The following MANBA variants were observed in gnomAD, a reference collection of about 807,000 sequenced individuals.
MANBA encodes beta-mannosidase.
A neutral mutation model predicts 111.1 loss-of-function variants in MANBA; 83 were observed. That is an observed-to-expected ratio of 0.75 (90% CI 0.63 to 0.90). The LOEUF is 0.90. Among genes scored for constraint, MANBA ranks in the 40% least tolerant of loss-of-function variants. The pLI, the probability that MANBA is intolerant of heterozygous loss-of-function variation, is 0.00. For synonymous variants in MANBA, 370 were observed against 378.7 expected (o/e 0.98, Z 0.27); for missense variants, 1,036 against 1,069.0 (o/e 0.97, Z 0.43).
At chr4:102,708,767 A>T (rs1172854768) in intron 5 of MANBA, among the ~76,000 whole-genome samples, 1 of 151,976 alleles carries the variant, frequency 6.6e-6, no homozygotes. Context: ...ATCAAGGAGA[A>T]GACCCAAATA....
intron 7 of MANBA, among the ~76,000 whole-genome samples, chr4:102,683,722 A>C (rs944545027): frequency 2.0e-5 from 3 of 152,190 alleles, no homozygotes; most frequent in African/African-American, 7.2e-5. Flanking sequence ...TGGTTTCCCA[A>C]ACTGATAAAG....
intron 7 of MANBA, chr4:102,681,610 C>T (rs1445918974): frequency 6.6e-6 from 1 of 152,154 alleles, no homozygotes; most frequent in African/African-American, 2.4e-5. Context: ...ATAAAAATAA[C>T]TCCAAGAGAT....
chr4:102,728,421 T>C (rs1578944031), intron 1 of MANBA: 1 of 480,608 alleles, frequency 2.1e-6, no homozygotes, highest in East Asian at 5.4e-5. Flanking sequence ...TCTAATTTCA[T>C]GAGTTTTTGG....
At chr4:102,687,819 CA>C (rs1196320097) in intron 7 of MANBA, among the ~76,000 whole-genome samples, 1 of 152,150 alleles carries the variant, frequency 6.6e-6, no homozygotes, top group Non-Finnish European at 1.5e-5. Flanking sequence ...CTATCACCAG[CA>C]CCTAGCAAAA....
In MANBA at chr4:102,639,811, C is replaced by A; in HGVS notation, c.1916G>T (p.Arg639Leu). The A allele has an allele frequency of 2.5e-6, 4 of 1,614,076 alleles. No individual in the cohort carries two copies. Among genetic ancestry groups the A allele is most frequent in the Non-Finnish European group, 3.4e-6 (4 of 1,179,988 alleles). The change falls in exon 14 of 17, where the codon CGT becomes CTT. Residue 639 changes from arginine to leucine, a missense_variant. Arg to Leu is a moderately radical substitution (Grantham distance 102). Transcript: ENST00000647097. ...CVKTETEFYR[R>L]SRSEIVDQQG... The stretch of plus-strand genomic sequence containing the variant: ...CTGATCCACTATCTCGCTGCGACTA[C>A]GGCGGTAGAATTCAGTTTCTGTTTT...
intron 4 of MANBA, among the ~76,000 whole-genome samples, chr4:102,714,780 C>T (rs1394337199): frequency 2.0e-5 from 3 of 152,190 alleles, no homozygotes; most frequent in Admixed American, 6.5e-5. Flanking sequence ...CTCCTGAAGC[C>T]GATCTCCTCT....
At chr4:102,672,938 C>T (rs1731557072) in intron 8 of MANBA, among the ~76,000 whole-genome samples, 1 of 152,044 alleles carries the variant, frequency 6.6e-6, no homozygotes, top group African/African-American at 2.4e-5. Flanking sequence ...ACGTAGTTAT[C>T]CACTCTTTTT....
At chr4:102,757,241 A>C (rs1477138169) in intron 1 of MANBA, among the ~76,000 whole-genome samples, 5 of 152,134 alleles carry the variant, frequency 3.3e-5, no homozygotes, top group South Asian at 4.1e-4. Context: ...AGGCAGGAGA[A>C]TCTCTTGAAC....
At chr4:102,705,474 A>C (rs1733255237) in intron 5 of MANBA, among the ~76,000 whole-genome samples, 1 of 152,074 alleles carries the variant, frequency 6.6e-6, no homozygotes, top group Non-Finnish European at 1.5e-5. Flanking sequence ...TGCTGCCACC[A>C]ATGCTGAAGC....
chr4:102,724,542 CAAA>C (rs11454438), intron 2 of MANBA, among the ~76,000 whole-genome samples: 7 of 122,220 alleles, frequency 5.7e-5, no homozygotes, highest in East Asian at 2.3e-4. Context: ...GATTCCGTCT[CAAA>C]AAAAAAAAAA....
rs143324246 is a variant in MANBA, at chr4:102,642,228, C to A, written c.1870-2371G>T. Among the ~76,000 whole-genome samples, 410 of 152,262 alleles carry A rather than the reference C, an allele frequency of 2.7e-3. 4 individuals carry two copies. Among genetic ancestry groups the A allele is most frequent in the African/African-American group, 9.5e-3 (393 of 41,558 alleles). ...TGCATCCTTTCCTAAAAAGGGCAAT[C>A]TTTACACATAAGAGGGATAAATGCT... On this transcript the variant is annotated intron_variant, in intron 13 of 16. Coordinates refer to ENST00000647097, the MANE Select transcript of MANBA (RefSeq NM_005908.4).
chr4:102,653,366 T>G (rs1730427940), intron 12 of MANBA, among the ~76,000 whole-genome samples: 1 of 152,194 alleles, frequency 6.6e-6, no homozygotes, highest in Non-Finnish European at 1.5e-5. Context: ...GAATGGCAGC[T>G]GTCATATTCA....
At chr4:102,650,872 G>C (rs572932712) in intron 12 of MANBA, 171 bp from the exon 13 acceptor site, 205 of 611,574 alleles carry the variant, frequency 3.4e-4, no homozygotes, top group Non-Finnish European at 5.0e-4. Flanking sequence ...GCCAGTGAAG[G>C]ACTAGCCTTG....
At chr4:102,677,559 CAG>C (rs1731781533) in intron 7 of MANBA, among the ~76,000 whole-genome samples, 1 of 152,034 alleles carries the variant, frequency 6.6e-6, no homozygotes, top group African/African-American at 2.4e-5. Context: ...TTTAATGTAA[CAG>C]AGAACAAAAA....
At chr4:102,713,896 CA>C (rs987115592) in intron 5 of MANBA, among the ~76,000 whole-genome samples, 3,710 of 68,426 alleles carry the variant, frequency 0.054, 103 homozygotes, top group African/African-American at 0.13. Context: ...AACTCCATCT[CA>C]AAAAAAAAAA....
At chr4:102,698,855 C>G (rs942976675) in intron 5 of MANBA, among the ~76,000 whole-genome samples, 1 of 151,308 alleles carries the variant, frequency 6.6e-6, no homozygotes, top group African/African-American at 2.4e-5. Context: ...TTTTTGGTTC[C>G]ATATGAACTT....
In MANBA at chr4:102,631,948, G is replaced by T; in HGVS notation, c.*109C>A. The T allele has an allele frequency of 1.1e-6, 1 of 942,310 alleles. No individual in the cohort carries two copies. 58.4% of individuals were successfully genotyped at this position (942,310 alleles called of 1,614,324 possible). On this transcript the variant is annotated 3_prime_UTR_variant, in exon 17 of 17. Transcript: ENST00000647097. ...CAATCGCTCAAATGCGTGGCAGCAC[G>T]CAGACATGTCTCTCGGCTTCTCTCC... is the stretch of plus-strand genomic sequence containing the variant.
At position 102,722,984 on chromosome 4, in the gene MANBA, A is replaced by T; in HGVS notation, c.436T>A (p.Ser146Thr). The T allele has an allele frequency of 1.2e-6, 2 of 1,614,158 alleles. No homozygotes were observed. The highest frequency in any genetic ancestry group is 1.7e-6 in the Non-Finnish European group (2 of 1,179,976). Residue 146 changes from serine to threonine, a missense_variant, in exon 4 of 17, where the codon TCA (serine) becomes ACA (threonine). Transcript: ENST00000647097. ...DVNSIELRFQSAVLYAAQQSK... is the reference protein window; with the variant it reads ...DVNSIELRFQTAVLYAAQQSK... The stretch of plus-strand genomic sequence containing the variant: ...TGCTGTGCTGCATACAACACCGCTG[A>T]CTGGAAACGCAGCTCAATGGAGTTC...
Position 102,668,894 on chromosome 4 carries a change from A to G in MANBA, c.1317+69T>C, listed in dbSNP as rs1731351770. 1.1e-5 allele frequency: 14 copies of G among 1,313,680 alleles called. 1 individual carries two copies. The South Asian group carries it at 1.8e-4, about 16-fold the overall frequency. The allele number at this position is 1,313,680 out of a possible 1,614,324, so 81.4% of individuals were successfully genotyped here. A position where few individuals can be genotyped will look rare whatever the true frequency, so the allele number is the denominator to read the frequency against. On this transcript the variant is annotated intron_variant, in intron 10 of 16. Coordinates refer to ENST00000647097, the MANE Select transcript of MANBA (RefSeq NM_005908.4). ...AGAGAACAAAAACCAAAATGAAGCA[A>G]GATTTAACAAAAGGCAATACTAAAA...
Sources: allele counts gnomAD v4.1 joint callset (sites outside exome capture counted in the v4.1 genomes callset), GRCh38; gene constraint gnomAD v4.1.1; transcripts MANE v1.5; gene names NCBI Gene and HGNC (gene_info 2026-07-23, HGNC 2026-07-21).